The following RORA variants were observed in gnomAD, a reference collection of about 807,000 sequenced individuals.
RORA encodes the protein RAR related orphan receptor A.
In RORA, 7 loss-of-function variants were observed where a neutral mutation model predicts 69.5. That is an observed-to-expected ratio of 0.10 (90% CI 0.06 to 0.19). The LOEUF (loss-of-function observed/expected upper bound fraction) is 0.19. RORA is among the 10% of genes least tolerant of loss of function. RORA has a pLI of 1.00. For missense variants in RORA, 457 were observed against 663.0 expected (o/e 0.69, Z 3.41); for synonymous variants, 261 against 240.8 (o/e 1.08, Z -0.78).
intron 1 of RORA, among the ~76,000 whole-genome samples, chr15:60,966,653 G>A (rs551583435): frequency 3.9e-5 from 6 of 152,276 alleles, no homozygotes; most frequent in African/African-American, 1.4e-4. Flanking sequence ...TCTTTCTAGA[G>A]AACAACCTGA....
intron 1 of RORA, among the ~76,000 whole-genome samples, chr15:60,913,783 T>TA (rs1313337500): frequency 6.6e-6 from 1 of 152,212 alleles, no homozygotes; most frequent in Admixed American, 6.5e-5. Flanking sequence ...ACTGTAGAGT[T>TA]AGAGTCTATT....
intron 2 of RORA, chr15:60,627,173 T>G: frequency 7.0e-7 from 1 of 1,418,670 alleles, no homozygotes; most frequent in Non-Finnish European, 9.9e-7. Context: ...CATTGGGTTG[T>G]GGGTGGTGGG....
chr15:60,523,684 T>C (rs1439239119), intron 3 of RORA, among the ~76,000 whole-genome samples: 2 of 152,178 alleles, frequency 1.3e-5, no homozygotes, highest in Admixed American at 6.5e-5. Flanking sequence ...GAACAGAATA[T>C]ATATATTTAG....
In RORA at chr15:61,068,818, C is replaced by G. The variant is rs566689785; in HGVS notation, c.166+160235G>C. On this transcript the variant is annotated intron_variant, in intron 1 of 10. Coordinates refer to ENST00000335670, the MANE Select transcript of RORA (RefSeq NM_134261.3). ...GCAAAAATTTTCTTGGGCACACAAGCAGTTAAAACCATTTCTCCACTCAGT... is the reference window on the plus strand; with the variant it reads ...GCAAAAATTTTCTTGGGCACACAAGGAGTTAAAACCATTTCTCCACTCAGT... Among the ~76,000 whole-genome samples the G allele has an allele frequency of 2.5e-4, 38 of 152,280 alleles. No individual in the cohort carries two copies. In the South Asian group the frequency reaches 3.7e-3, roughly 15 times the overall value.
intron 1 of RORA, among the ~76,000 whole-genome samples, chr15:60,713,143 ATCT>A (rs1351021840): frequency 2.0e-5 from 3 of 152,298 alleles, no homozygotes; most frequent in African/African-American, 4.8e-5. Context: ...TATTAATATA[ATCT>A]TCTTCCAAAA....
At chr15:60,930,825 T>C (rs1265121761) in intron 1 of RORA, among the ~76,000 whole-genome samples, 4 of 152,162 alleles carry the variant, frequency 2.6e-5, no homozygotes, top group Non-Finnish European at 4.4e-5. Context: ...AGATTCCCAA[T>C]CATTTATCTC....
At chr15:61,222,250 A>G (rs1263630250) in intron 1 of RORA, among the ~76,000 whole-genome samples, 2 of 152,174 alleles carry the variant, frequency 1.3e-5, no homozygotes, top group East Asian at 3.9e-4. Context: ...AGTTCTGCGG[A>G]CAAAACCATC....
At chr15:60,719,104 G>GATTCAATGTTTT (rs1183934458) in intron 1 of RORA, among the ~76,000 whole-genome samples, 4 of 15,080 alleles carry the variant, frequency 2.7e-4, no homozygotes, top group South Asian at 1.8e-3. Flanking sequence ...AACTGTTTGG[G>GATTCAATGTTTT]TCTTTACTTG....
intron 1 of RORA, among the ~76,000 whole-genome samples, chr15:61,096,058 G>C (rs2078784926): frequency 6.6e-6 from 1 of 152,208 alleles, no homozygotes; most frequent in Non-Finnish European, 1.5e-5. Flanking sequence ...GAAGTGAGAG[G>C]AGCAGGAGAT....
intron 1 of RORA, among the ~76,000 whole-genome samples, chr15:60,993,644 C>CAAAAAAAAAAAAAAAA (rs3053932): frequency 1.2e-5 from 1 of 83,076 alleles, no homozygotes; most frequent in Non-Finnish European, 2.2e-5. Flanking sequence ...CTCTCCATCT[C>CAAAAAAAAAAAAAAAA]AAAAAAAAAA....
At chr15:60,925,832 C>T (rs1396335663) in intron 1 of RORA, among the ~76,000 whole-genome samples, 2 of 152,204 alleles carry the variant, frequency 1.3e-5, no homozygotes, top group Non-Finnish European at 2.9e-5. Flanking sequence ...TGTAATAATG[C>T]AGGTACTTTG....
intron 1 of RORA, among the ~76,000 whole-genome samples, chr15:61,015,639 T>C (rs978490676): frequency 1.3e-5 from 2 of 152,218 alleles, no homozygotes; most frequent in Admixed American, 1.3e-4. Context: ...CCATGAAGTC[T>C]GTGCTATTAT....
intron 2 of RORA, among the ~76,000 whole-genome samples, chr15:60,668,278 G>C (rs1005980002): frequency 2.6e-5 from 4 of 152,208 alleles, no homozygotes; most frequent in African/African-American, 9.6e-5. Context: ...ACTTGTGTCA[G>C]TTAGATTTTG....
intron 1 of RORA, among the ~76,000 whole-genome samples, chr15:60,907,310 C>T (rs1891573080): frequency 6.6e-6 from 1 of 152,138 alleles, no homozygotes; most frequent in South Asian, 2.1e-4. Context: ...AGATGTCTCT[C>T]TAAATGTCTC....
intron 2 of RORA, among the ~76,000 whole-genome samples, chr15:60,649,658 G>A (rs955796777): frequency 9.2e-5 from 14 of 152,174 alleles, no homozygotes; most frequent in Non-Finnish European, 1.2e-4. Flanking sequence ...ACTTGTGACT[G>A]CAGCCCCTCA....
chr15:60,972,424 T>C (rs1566929402), intron 1 of RORA, among the ~76,000 whole-genome samples: 2 of 152,230 alleles, frequency 1.3e-5, no homozygotes, highest in Non-Finnish European at 2.9e-5. Context: ...TGTGATACTG[T>C]TGGAACAAGC....
chr15:60,834,924 A>G (rs1055668145), intron 1 of RORA, among the ~76,000 whole-genome samples: 1 of 151,934 alleles, frequency 6.6e-6, no homozygotes, highest in Non-Finnish European at 1.5e-5. Context: ...CCAAAAAAAA[A>G]CTATCTTTGT....
At chr15:60,803,744 G>A (rs2072620066) in intron 1 of RORA, among the ~76,000 whole-genome samples, 1 of 152,264 alleles carries the variant, frequency 6.6e-6, no homozygotes, top group South Asian at 2.1e-4. Context: ...TATTACTATA[G>A]CCAGCTGTTA....
chr15:60,895,751 T>C (rs1891216389), intron 1 of RORA, among the ~76,000 whole-genome samples: 1 of 152,262 alleles, frequency 6.6e-6, no homozygotes, highest in South Asian at 2.1e-4. Flanking sequence ...CATGGTCAAG[T>C]ACAGCCTCAG....
Sources: allele counts gnomAD v4.1 joint callset (sites outside exome capture counted in the v4.1 genomes callset), GRCh38; gene constraint gnomAD v4.1.1; transcripts MANE v1.5; gene names NCBI Gene and HGNC (gene_info 2026-07-23, HGNC 2026-07-21).